Variants in FNDC7 observed in about 807,000 individuals in gnomAD.
FNDC7 encodes the protein fibronectin type III domain-containing protein 7.
Under a neutral mutation model 74.2 loss-of-function variants are expected in FNDC7, and 66 were observed. The observed-to-expected ratio is 0.89, with a 90% CI of 0.73 to 1.09. The LOEUF (loss-of-function observed/expected upper bound fraction) is 1.09. Among genes scored for constraint, FNDC7 ranks in the 50% least tolerant of loss-of-function variants. FNDC7 has a pLI of 0.00. For missense variants in FNDC7, 829 were observed against 893.4 expected, an observed-to-expected ratio of 0.93 and a Z score of 0.92; for synonymous variants, 307 against 330.2, an observed-to-expected ratio of 0.93 and a Z score of 0.76.
chr1:108,718,119 GGTGTCACATGA>G, intron 3 of FNDC7, 88 bp downstream of exon 3: 1 of 1,471,922 alleles, frequency 6.8e-7, no homozygotes, highest in South Asian at 1.3e-5. Flanking sequence ...AATGTGATTT[GGTGTCACATGA>G]GTGCCTACAA....
At chr1:108,726,287 G>C (rs184731439) in intron 6 of FNDC7, among the ~76,000 whole-genome samples, 14 of 152,376 alleles carry the variant, frequency 9.2e-5, no homozygotes, top group Admixed American at 7.8e-4. Context: ...TACTCAGTGA[G>C]TGTTCTAGCA....
intron 2 of FNDC7, among the ~76,000 whole-genome samples, chr1:108,716,613 G>A (rs1408175409): frequency 6.6e-6 from 1 of 152,062 alleles, no homozygotes; most frequent in Non-Finnish European, 1.5e-5. Flanking sequence ...TTGCAGCATG[G>A]TTATTTCTGA....
chr1:108,727,636 T>C (rs1156941965), intron 6 of FNDC7, among the ~76,000 whole-genome samples, 172 bp from the exon 7 acceptor site: 2 of 152,144 alleles, frequency 1.3e-5, no homozygotes, highest in Non-Finnish European at 2.9e-5. Context: ...ATTTACCCTC[T>C]ATGCAGTGGC....
At chr1:108,727,579 A>G (rs908376829) in intron 6 of FNDC7, among the ~76,000 whole-genome samples, 2 of 152,104 alleles carry the variant, frequency 1.3e-5, no homozygotes, top group African/African-American at 4.8e-5. Context: ...TGGGGGGAGT[A>G]CAGCAGAACC....
chr1:108,718,112 G>A (rs1661020232), intron 3 of FNDC7, 81 bp downstream of exon 3: 1 of 1,500,482 alleles, frequency 6.7e-7, no homozygotes, highest in Non-Finnish European at 9.0e-7. Context: ...AATGCAGAAT[G>A]TGATTTGGTG....
intron 4 of FNDC7, among the ~76,000 whole-genome samples, chr1:108,719,745 TGA>T (rs67387432): frequency 0.25 from 37,696 of 148,020 alleles, 4,798 homozygotes; most frequent in Middle Eastern, 0.3. Context: ...GCCAAGCGAA[TGA>T]GAGAGAGAGA....
rs865836779 is a variant in FNDC7, at chr1:108,725,256, A to G, written c.857-494A>G. On this transcript the variant is annotated intron_variant, in intron 5 of 12. Coordinates refer to ENST00000370017, the MANE Select transcript of FNDC7 (RefSeq NM_001144937.3). ...ACCTCTATAAGCCTCAGTTTCCTCA[A>G]TTGTAAAATGATGATAGTTGCTGGA... Among the ~76,000 whole-genome samples, 6 of 152,236 alleles carry G rather than the reference A, an allele frequency of 3.9e-5. No homozygotes were observed. In the Middle Eastern group the frequency reaches 0.01, roughly 259 times the overall value.
chr1:108,733,110 A>G (rs1159417861), intron 9 of FNDC7, among the ~76,000 whole-genome samples, 162 bp from the exon 10 acceptor site: 3 of 152,112 alleles, frequency 2.0e-5, no homozygotes, highest in Non-Finnish European at 4.4e-5. Flanking sequence ...CACCATGGAA[A>G]TAACTCGAGT....
chr1:108,720,615 C>T (rs929406844), intron 4 of FNDC7, among the ~76,000 whole-genome samples: 3 of 152,142 alleles, frequency 2.0e-5, no homozygotes, highest in African/African-American at 4.8e-5. Context: ...CTGGAGGCTA[C>T]GAAGTCTGAA....
intron 1 of FNDC7, 192 bp from the exon 2 acceptor site, chr1:108,713,319 T>A (rs1376461675): frequency 1.6e-6 from 1 of 622,684 alleles, no homozygotes; most frequent in South Asian, 2.1e-5. Flanking sequence ...AAATTCTATT[T>A]AGAGTTGTTT....
chr1:108,740,675 A>T (rs1167379917), intron 11 of FNDC7, among the ~76,000 whole-genome samples: 1 of 152,170 alleles, frequency 6.6e-6, no homozygotes, highest in Admixed American at 6.5e-5. Context: ...TGCCACCATC[A>T]CTTGCTCTTA....
chr1:108,726,050 C>A, intron 6 of FNDC7, 46 bp downstream of exon 6: 1 of 1,599,828 alleles, frequency 6.3e-7, no homozygotes, highest in Admixed American at 1.7e-5. Flanking sequence ...AGATCTCTAA[C>A]CTCAGCAGCA....
At chr1:108,740,029 T>C (rs1157235651) in intron 11 of FNDC7, among the ~76,000 whole-genome samples, 1 of 109,228 alleles carries the variant, frequency 9.2e-6, no homozygotes, top group African/African-American at 3.6e-5. Context: ...GCCATCTCTC[T>C]AAAAAAAAAA....
At chr1:108,713,063 T>G in intron 1 of FNDC7, 67 bp downstream of exon 1, 1 of 1,410,114 alleles carries the variant, frequency 7.1e-7, no homozygotes, top group Non-Finnish European at 9.7e-7. Flanking sequence ...TATTTTTCTC[T>G]CCTTTTTTTT....
At chr1:108,714,397 C>T (rs1020933249) in intron 2 of FNDC7, among the ~76,000 whole-genome samples, 8 of 152,072 alleles carry the variant, frequency 5.3e-5, no homozygotes, top group Non-Finnish European at 1.0e-4. Context: ...ATTTCCTGGC[C>T]AGGTACCAAG....
chr1:108,715,849 A>G (rs561897036), intron 2 of FNDC7, among the ~76,000 whole-genome samples: 75 of 152,362 alleles, frequency 4.9e-4, no homozygotes, highest in African/African-American at 1.7e-3. Flanking sequence ...AATGACTTGC[A>G]TGCCTTCACA....
intron 11 of FNDC7, among the ~76,000 whole-genome samples, chr1:108,740,211 T>C (rs893876213): frequency 2.0e-5 from 3 of 151,774 alleles, no homozygotes; most frequent in African/African-American, 7.3e-5. Context: ...GTCCCTGGGC[T>C]GACATTGGAG....
chr1:108,742,650 A>G lies in FNDC7; in HGVS notation c.*763A>G, dbSNP rs1366076313. 6.6e-6 allele frequency: 1 copy of G among 152,222 alleles called. No homozygotes were observed. The highest frequency in any genetic ancestry group is 1.5e-5 in the Non-Finnish European group (1 of 68,026). The allele number at this position is 152,222 out of a possible 1,614,324, so 9.4% of individuals were successfully genotyped here. On this transcript the variant is annotated 3_prime_UTR_variant, in exon 13 of 13. Coordinates refer to ENST00000370017, the MANE Select transcript of FNDC7 (RefSeq NM_001144937.3). ...TGCATCTTTTGGGGGAGGACCATCC[A>G]TCTTATTGGCCATATCCCCCACTCA...
chr1:108,729,548 CAA>C (rs748570790), intron 8 of FNDC7, among the ~76,000 whole-genome samples: 10 of 87,800 alleles, frequency 1.1e-4, no homozygotes, highest in Admixed American at 3.7e-4. Context: ...GATTCCGTCA[CAA>C]AAAAAAAAAA....
Sources: gnomAD v4.1 joint callset for allele counts (sites outside exome capture counted in the v4.1 genomes callset) on GRCh38, gnomAD v4.1.1 for gene constraint, MANE v1.5 for transcripts, NCBI Gene and HGNC (gene_info 2026-07-23, HGNC 2026-07-21) for gene names.